The following SFI1 variants were observed in gnomAD, a reference collection of about 807,000 sequenced individuals.
SFI1 encodes protein SFI1 homolog.
Under a neutral mutation model 207.5 loss-of-function variants are expected in SFI1, and 195 were observed. The ratio of observed to expected loss-of-function variants is 0.94; its 90% confidence interval spans 0.84 to 1.06. SFI1 has a LOEUF of 1.06. Among genes scored for constraint, SFI1 ranks in the 50% least tolerant of loss-of-function variants. The pLI, the probability that SFI1 is intolerant of heterozygous loss-of-function variation, is 0.00. For missense variants in SFI1, 1,634 were observed against 1,588.0 expected (o/e 1.03, Z -0.49); for synonymous variants, 630 against 598.9 (o/e 1.05, Z -0.76).
chr22:31,575,125 C>A, intron 9 of SFI1, 106 bp from the exon 10 acceptor site: 154 of 756,768 alleles, frequency 2.0e-4, no homozygotes, highest in Non-Finnish European at 2.7e-4. Context: ...TGTGTGTGGC[C>A]TTGAACCCCT....
In SFI1 at chr22:31,618,175, G is replaced by A. The variant is rs55735011; in HGVS notation, c.3573G>A (p.Pro1191=). 0.035 allele frequency: 56,580 copies of A among 1,594,738 alleles called. 1,259 individuals are homozygous for A. The highest frequency in any genetic ancestry group is 0.079 in the African/African-American group (5,904 of 74,920). Residue 1191 remains proline, a synonymous_variant, in exon 32 of 33, where the codon CCG becomes CCA. Coordinates refer to ENST00000400288, the MANE Select transcript of SFI1 (RefSeq NM_001007467.3). ...RRWLELNREE[P]GPEDQEVEQQ... Reference sequence around the variant, plus strand: ...GGCTGGAGCTGAACAGAGAGGAGCCGGGGCCTGAGGACCAGGAAGTAGAGC... The same window carrying A: ...GGCTGGAGCTGAACAGAGAGGAGCCAGGGCCTGAGGACCAGGAAGTAGAGC...
intron 1 of SFI1, among the ~76,000 whole-genome samples, chr22:31,507,969 G>A (rs563926103): frequency 2.0e-4 from 30 of 152,220 alleles, no homozygotes; most frequent in African/African-American, 6.5e-4. Context: ...CCAGCTACTT[G>A]AGAGGTTGAG....
intron 7 of SFI1, chr22:31,559,588 G>A: frequency 4.6e-6 from 3 of 650,574 alleles, no homozygotes; most frequent in South Asian, 3.0e-5. Context: ...CATTAAGGAT[G>A]TGGGTTGACA....
chr22:31,535,876 G>A (rs1223191200), intron 4 of SFI1, among the ~76,000 whole-genome samples: 3 of 152,096 alleles, frequency 2.0e-5, no homozygotes, highest in Non-Finnish European at 2.9e-5. Context: ...AGCTGAGACT[G>A]TAGGCACAAG....
Position 31,585,088 on chromosome 22 carries a change from G to C in SFI1, c.1367G>C (p.Cys456Ser). ...TTCAGAATAGCACTGCTGTGCAAAT[G>C]TATCGAATTGTGGCTACAGTATACT... ...DHYRIALLCK[C>S]IELWLQYTQK... The change falls in exon 14 of 33, where the codon TGT becomes TCT. Residue 456 changes from cysteine (C) to serine (S), a missense_variant. By Grantham distance (112) the Cys-to-Ser change is moderately radical. Coordinates refer to ENST00000400288, the MANE Select transcript of SFI1 (RefSeq NM_001007467.3). The C allele has an allele frequency of 1.2e-6, 2 of 1,614,112 alleles. No individual in the cohort carries two copies. Among genetic ancestry groups the C allele is most frequent in the Non-Finnish European group, 1.7e-6 (2 of 1,179,996 alleles).
intron 6 of SFI1, 82 bp from the exon 7 acceptor site, chr22:31,556,860 G>T (rs2061221450): frequency 1.1e-6 from 1 of 904,802 alleles, no homozygotes; most frequent in Non-Finnish European, 1.7e-6. Flanking sequence ...GGTATTCAAA[G>T]GAGAGCCCTT....
At chr22:31,561,528 G>A in intron 8 of SFI1, 136 bp downstream of exon 8, 1 of 682,318 alleles carries the variant, frequency 1.5e-6, no homozygotes, top group South Asian at 2.0e-5. Flanking sequence ...TGGAAGGCTG[G>A]GCTCTTCCAG....
At chr22:31,607,335 G>A (rs1211705538) in intron 21 of SFI1, among the ~76,000 whole-genome samples, 1 of 152,126 alleles carries the variant, frequency 6.6e-6, no homozygotes, top group African/African-American at 2.4e-5. Context: ...GGGCGCAGTG[G>A]CTCACACCTG....
chr22:31,582,886 G>T (rs896796035), intron 12 of SFI1, among the ~76,000 whole-genome samples: 1 of 151,896 alleles, frequency 6.6e-6, no homozygotes, highest in African/African-American at 2.4e-5. Flanking sequence ...TTTAAAAAAG[G>T]ACAGGCCAGT....
intron 8 of SFI1, 89 bp downstream of exon 8, chr22:31,561,481 G>C (rs1388284735): frequency 6.2e-6 from 7 of 1,122,956 alleles, no homozygotes; most frequent in Non-Finnish European, 8.9e-6. Context: ...CTTCCCTGCA[G>C]CTCAGGGCCT....
Position 31,573,495 on chromosome 22 carries a change from T to C in SFI1, c.922+281T>C, listed in dbSNP as rs531810107. ...TCTTGTCACCCAGGCTGGAGTGCAG[T>C]GGCGCAATCTCGGCTCACTGCAACC... On this transcript the variant is annotated intron_variant, in intron 9 of 32. Coordinates refer to ENST00000400288, the MANE Select transcript of SFI1 (RefSeq NM_001007467.3). Among the ~76,000 whole-genome samples, 16 of 151,626 alleles carry C rather than the reference T, an allele frequency of 1.1e-4. No individual in the cohort carries two copies. In the South Asian group the frequency reaches 3.4e-3, roughly 32 times the overall value.
At chr22:31,499,129 T>G (rs947958619) in intron 1 of SFI1, among the ~76,000 whole-genome samples, 1 of 152,172 alleles carries the variant, frequency 6.6e-6, no homozygotes, top group East Asian at 1.9e-4. Context: ...TGCCTTAGCC[T>G]CCTGCCTCCT....
intron 15 of SFI1, among the ~76,000 whole-genome samples, chr22:31,601,559 T>C (rs537246573): frequency 6.6e-6 from 1 of 152,356 alleles, no homozygotes; most frequent in South Asian, 2.1e-4. Context: ...TTGGTCAGCA[T>C]GCACTGGAAA....
At chr22:31,555,774 A>G (rs368951435) in intron 6 of SFI1, among the ~76,000 whole-genome samples, 4 of 152,182 alleles carry the variant, frequency 2.6e-5, no homozygotes, top group African/African-American at 9.7e-5. Flanking sequence ...AAACCACAGC[A>G]CTATACTAGT....
chr22:31,508,041 A>G (rs1434112008), intron 1 of SFI1, among the ~76,000 whole-genome samples: 1 of 152,090 alleles, frequency 6.6e-6, no homozygotes, highest in Non-Finnish European at 1.5e-5. Flanking sequence ...GTGCCACTGC[A>G]CTCCAGCCTG....
At position 31,516,082 on chromosome 22, in the gene SFI1, C is replaced by G. The variant is rs1484078962; in HGVS notation, c.92+7706C>G. Among the ~76,000 whole-genome samples, 4 of 150,826 alleles carry G rather than the reference C, an allele frequency of 2.7e-5. No individual in the cohort carries two copies. In the East Asian group the frequency reaches 8.0e-4, roughly 30 times the overall value. On this transcript the variant is annotated intron_variant, in intron 2 of 32. Transcript: ENST00000400288. ...ATTCAAGTCTTATTCCTGTTTTTCTCATGAGTTGTATATTGAGTATTTGTA... is the reference window on the plus strand; with the variant it reads ...ATTCAAGTCTTATTCCTGTTTTTCTGATGAGTTGTATATTGAGTATTTGTA...
At chr22:31,568,531 C>CAAAA (rs60447566) in intron 8 of SFI1, among the ~76,000 whole-genome samples, 85 of 37,364 alleles carry the variant, frequency 2.3e-3, no homozygotes, top group East Asian at 5.0e-3. Flanking sequence ...GACCCTGTCT[C>CAAAA]AAAAAAAAAA....
chr22:31,504,773 C>T (rs1825477814), intron 1 of SFI1, among the ~76,000 whole-genome samples: 1 of 152,176 alleles, frequency 6.6e-6, no homozygotes, highest in Non-Finnish European at 1.5e-5. Flanking sequence ...CTTGTAGATA[C>T]ATCACTCTAG....
At chr22:31,512,226 A>G (rs12165458) in intron 2 of SFI1, among the ~76,000 whole-genome samples, 15 of 151,622 alleles carry the variant, frequency 9.9e-5, no homozygotes, top group Non-Finnish European at 2.1e-4. Flanking sequence ...GTGGTGGCAC[A>G]TGTCTGTAAT....
Sources: gnomAD v4.1 joint callset for allele counts (sites outside exome capture counted in the v4.1 genomes callset) on GRCh38, gnomAD v4.1.1 for gene constraint, MANE v1.5 for transcripts, NCBI Gene and HGNC (gene_info 2026-07-23, HGNC 2026-07-21) for gene names.